PAK5: variants seen among roughly 807,000 people sequenced by gnomAD.
PAK5 encodes p21 (RAC1) activated kinase 5.
PAK5 carries 16 observed loss-of-function variants against 65.9 expected under a neutral mutation model. The observed-to-expected ratio is 0.24, with a 90% CI of 0.16 to 0.37. The LOEUF (loss-of-function observed/expected upper bound fraction) is 0.37, where lower values mean the gene tolerates loss of function less well. Ranked by LOEUF, PAK5 falls within the 10% of genes least tolerant of loss-of-function variation. The pLI, the probability that PAK5 is intolerant of heterozygous loss-of-function variation, is 1.00. For missense variants in PAK5, 785 were observed against 903.9 expected, an observed-to-expected ratio of 0.87 and a Z score of 1.69; for synonymous variants, 371 against 354.9, an observed-to-expected ratio of 1.05 and a Z score of -0.51.
intron 3 of PAK5, among the ~76,000 whole-genome samples, chr20:9,590,893 T>C (rs2046158797): frequency 6.6e-6 from 1 of 152,208 alleles, no homozygotes; most frequent in Admixed American, 6.5e-5. Flanking sequence ...GCCAAGTTCT[T>C]GCTGGGTGGT....
intron 3 of PAK5, among the ~76,000 whole-genome samples, chr20:9,637,741 AAAACTCACAT>A (rs2046999864): frequency 6.6e-6 from 1 of 152,238 alleles, no homozygotes; most frequent in African/African-American, 2.4e-5. Context: ...ATCATTTCAT[AAAACTCACAT>A]ATGCCGAATA....
intron 2 of PAK5, 64 bp downstream of exon 2, chr20:9,711,222 T>C (rs1360360168): frequency 6.6e-6 from 1 of 152,192 alleles, no homozygotes; most frequent in Non-Finnish European, 1.5e-5. Flanking sequence ...TCTGTGTTTT[T>C]AGTATTGTTT....
intron 1 of PAK5, among the ~76,000 whole-genome samples, chr20:9,767,042 A>G (rs909304565): frequency 9.2e-5 from 14 of 152,068 alleles, no homozygotes; most frequent in African/African-American, 3.4e-4. Flanking sequence ...AAATACACAG[A>G]CCTGAGGGTA....
intron 2 of PAK5, among the ~76,000 whole-genome samples, chr20:9,691,283 A>G (rs1217178554): frequency 6.6e-6 from 1 of 152,152 alleles, no homozygotes; most frequent in Non-Finnish European, 1.5e-5. Context: ...TCTGTACCAA[A>G]AGAGGAAAGC....
At chr20:9,729,431 G>A (rs971925761) in intron 1 of PAK5, among the ~76,000 whole-genome samples, 8 of 152,122 alleles carry the variant, frequency 5.3e-5, no homozygotes, top group African/African-American at 1.9e-4. Flanking sequence ...GCTGGTTGTT[G>A]TCTCAATATC....
chr20:9,551,103 T>C (rs188079758), intron 7 of PAK5, among the ~76,000 whole-genome samples: 105 of 152,198 alleles, frequency 6.9e-4, no homozygotes, highest in African/African-American at 2.2e-3. Flanking sequence ...ACTTTAATCA[T>C]CCAAGTACAT....
At chr20:9,727,811 T>C (rs1237661255) in intron 1 of PAK5, among the ~76,000 whole-genome samples, 1 of 152,190 alleles carries the variant, frequency 6.6e-6, no homozygotes, top group African/African-American at 2.4e-5. Flanking sequence ...GGCTCCTGCA[T>C]GTTGGTTTCC....
In PAK5 at chr20:9,817,173, G is replaced by C. The variant is rs111887851; in HGVS notation, c.-162+21589C>G. On this transcript the variant is annotated intron_variant, in intron 1 of 9. Coordinates refer to ENST00000353224, the MANE Select transcript of PAK5 (RefSeq NM_177990.4). ...TAAAAATAAAGAATTATGTAAATAA[G>C]AACACTCAACATTATAACAGTTTTT... is the stretch of plus-strand genomic sequence containing the variant. Among the ~76,000 whole-genome samples, 84 of 152,132 alleles carry C rather than the reference G, an allele frequency of 5.5e-4. 3 individuals are homozygous for C. Among genetic ancestry groups the C allele is most frequent in the Middle Eastern group, 6.8e-3 (2 of 294 alleles).
chr20:9,690,088 A>G (rs921470066), intron 2 of PAK5, among the ~76,000 whole-genome samples: 33 of 152,230 alleles, frequency 2.2e-4, no homozygotes, highest in Admixed American at 2.1e-3. Flanking sequence ...TATCATAAAA[A>G]TAGGAATTGA....
intron 7 of PAK5, among the ~76,000 whole-genome samples, chr20:9,551,743 C>T (rs2045431629): frequency 6.6e-6 from 1 of 152,160 alleles, no homozygotes; most frequent in Non-Finnish European, 1.5e-5. Flanking sequence ...GCATCAGCCT[C>T]ACCTGAGAGC....
chr20:9,623,423 G>C (rs1054327307), intron 3 of PAK5, among the ~76,000 whole-genome samples: 1 of 152,102 alleles, frequency 6.6e-6, no homozygotes, highest in East Asian at 1.9e-4. Flanking sequence ...AAATAAAAAT[G>C]TACATTAAAT....
intron 1 of PAK5, among the ~76,000 whole-genome samples, chr20:9,796,306 C>T (rs904642663): frequency 2.6e-5 from 4 of 151,892 alleles, no homozygotes; most frequent in African/African-American, 9.7e-5. Flanking sequence ...GTAGGAAGGT[C>T]CCTCTGAGGA....
intron 1 of PAK5, among the ~76,000 whole-genome samples, chr20:9,787,975 G>T (rs1351229990): frequency 1.4e-5 from 1 of 73,440 alleles, no homozygotes; most frequent in Non-Finnish European, 3.0e-5. Context: ...CCATGTGTCT[G>T]TGTGTGTTGG....
At chr20:9,799,081 A>C (rs2049137872) in intron 1 of PAK5, among the ~76,000 whole-genome samples, 1 of 152,202 alleles carries the variant, frequency 6.6e-6, no homozygotes, top group South Asian at 2.1e-4. Context: ...AATAAAAACT[A>C]GATAAGTAGT....
intron 4 of PAK5, among the ~76,000 whole-genome samples, chr20:9,567,906 C>T (rs1227446265): frequency 9.2e-5 from 14 of 152,150 alleles, no homozygotes; most frequent in Non-Finnish European, 1.5e-4. Context: ...GAGGGGGTTC[C>T]GTTGGAGCAG....
intron 1 of PAK5, among the ~76,000 whole-genome samples, chr20:9,765,653 G>A (rs1246462060): frequency 2.0e-5 from 3 of 152,002 alleles, no homozygotes; most frequent in Non-Finnish European, 2.9e-5. Context: ...CTCCCATCAA[G>A]CCGCCCTCTC....
intron 3 of PAK5, among the ~76,000 whole-genome samples, chr20:9,630,898 CCTGTG>C (rs1187558427): frequency 1.3e-5 from 2 of 152,134 alleles, no homozygotes; most frequent in African/African-American, 2.4e-5. Context: ...CACCGGTTAT[CCTGTG>C]CTGTCCCACC....
In PAK5 at chr20:9,766,356, A is replaced by AAT. The variant is rs201007922; in HGVS notation, c.-161-54923_-161-54922dup. On this transcript the variant is annotated intron_variant, in intron 1 of 9. Transcript: ENST00000353224. ...TGAATATATATATTCTACTTACTTG[A>AAT]ATATATATATATATTCAAGCAGAAT... 3.8e-3 allele frequency among the ~76,000 whole-genome samples: 162 copies of AAT among 42,416 alleles called. 11 individuals are homozygous for AAT. The highest frequency in any genetic ancestry group is 5.1e-3 in the Non-Finnish European group (114 of 22,192). The allele number at this position is 42,416 out of a possible 152,430, so 27.8% of individuals were successfully genotyped here.
chr20:9,571,400 G>A (rs1343011631), intron 4 of PAK5, among the ~76,000 whole-genome samples: 1 of 152,194 alleles, frequency 6.6e-6, no homozygotes, highest in Admixed American at 6.5e-5. Context: ...TTTTGTGGTT[G>A]ATAAAATAGA....
Sources: allele counts gnomAD v4.1 joint callset (sites outside exome capture counted in the v4.1 genomes callset), GRCh38; gene constraint gnomAD v4.1.1; transcripts MANE v1.5; gene names NCBI Gene and HGNC (gene_info 2026-07-23, HGNC 2026-07-21).